SMU1: variants seen among roughly 807,000 people sequenced by gnomAD.
SMU1 encodes the protein SMU1 DNA replication regulator and spliceosomal factor, also known as WD40 repeat-containing protein SMU1.
SMU1 carries 2 observed loss-of-function variants against 62.0 expected under a neutral mutation model. That is an observed-to-expected ratio of 0.03 (90% CI 0.01 to 0.10). SMU1 has a LOEUF of 0.10. Ranked by LOEUF, SMU1 falls within the 10% of genes least tolerant of loss-of-function variation. The pLI, the probability that SMU1 is intolerant of heterozygous loss-of-function variation, is 1.00. For missense variants in SMU1, 227 were observed against 622.1 expected (o/e 0.36, Z 6.76); for synonymous variants, 188 against 212.4 (o/e 0.89, Z 1.00).
In SMU1 at chr9:33,053,672, T is replaced by C. The variant is rs576505870; in HGVS notation, c.1123-382A>G. On this transcript the variant is annotated intron_variant, in intron 9 of 11. Coordinates refer to ENST00000397149, the MANE Select transcript of SMU1 (RefSeq NM_018225.3). ...TAAGGATTCAATGTAGTACTTGGCA[T>C]GGGGCAGATTTAAGTTTTGCTTTTT... Among the ~76,000 whole-genome samples the C allele has an allele frequency of 1.4e-3, 207 of 152,254 alleles. 1 individual carries two copies. Among genetic ancestry groups the C allele is most frequent in the Non-Finnish European group, 2.3e-3 (154 of 68,048 alleles).
rs1273803529 is a variant in SMU1, at chr9:33,056,823, G to C, written c.995+14C>G. ...TCAAACTCAAGTGAGAGCAGTTTTG[G>C]GATTTTTACTTACCTAATTGTCTGG... On this transcript the variant is annotated intron_variant, in intron 8 of 11. Transcript: ENST00000397149. 1 of 1,609,076 alleles carries C rather than the reference G, an allele frequency of 6.2e-7. No individual in the cohort carries two copies. Among genetic ancestry groups the C allele is most frequent in the Non-Finnish European group, 8.5e-7 (1 of 1,178,802 alleles).
Position 33,042,956 on chromosome 9 carries a change from C to T in SMU1, c.*4337G>A, listed in dbSNP as rs1839141745. 6.6e-6 allele frequency: 1 copy of T among 152,486 alleles called. No homozygotes were observed. Among genetic ancestry groups the T allele is most frequent in the African/African-American group, 2.4e-5 (1 of 41,458 alleles). The allele number at this position is 152,486 out of a possible 1,614,324, so 9.4% of individuals were successfully genotyped here. A position where few individuals can be genotyped will look rare whatever the true frequency, so the allele number is the denominator to read the frequency against. On this transcript the variant is annotated 3_prime_UTR_variant, in exon 12 of 12. Transcript: ENST00000397149. ...GTTCCAGCTATTCTCCTGCCTCAGC[C>T]TCCTAGGTAGCTGGGACTACAGGCG...
chr9:33,047,448 T>G, intron 11 of SMU1, 57 bp from the exon 12 acceptor site: 4 of 1,450,430 alleles, frequency 2.8e-6, no homozygotes, highest in Non-Finnish European at 3.8e-6. Flanking sequence ...ATCACTCTGA[T>G]GAGGCTTCCA....
intron 10 of SMU1, among the ~76,000 whole-genome samples, chr9:33,052,747 C>T (rs1351917016): frequency 6.6e-6 from 1 of 152,216 alleles, no homozygotes; most frequent in Admixed American, 6.5e-5. Flanking sequence ...TAGTGTTCCA[C>T]TTTAGATCGT....
intron 6 of SMU1, 53 bp from the exon 7 acceptor site, chr9:33,057,767 G>C: frequency 6.2e-7 from 1 of 1,604,128 alleles, no homozygotes; most frequent in Non-Finnish European, 8.5e-7. Context: ...CAAGACCCCA[G>C]TTCTCTACAA....
chr9:33,056,259 G>A lies in SMU1; in HGVS notation c.996-20C>T. ...TGAATTCTACCAAATGAAAGTAAAT[G>A]AAAAGAACAATAAATATTTAATATC... On this transcript the variant is annotated intron_variant, in intron 8 of 11. Transcript: ENST00000397149. 6.2e-7 allele frequency: 1 copy of A among 1,601,488 alleles called. No homozygotes were observed. Among genetic ancestry groups the A allele is most frequent in the Non-Finnish European group, 8.5e-7 (1 of 1,173,108 alleles).
rs183651239 is a variant in SMU1, at chr9:33,061,265, A to C, written c.631-681T>G. Among the ~76,000 whole-genome samples the C allele has an allele frequency of 3.3e-5, 5 of 152,370 alleles. No homozygotes were observed. The East Asian group carries it at 7.7e-4, about 23-fold the overall frequency. Reference sequence around the variant, plus strand: ...AATGCCAAAAAAGGAAAGTGTTTATAACAGAAAATCTTAGCCCAGCAGCAT... The same window carrying C: ...AATGCCAAAAAAGGAAAGTGTTTATCACAGAAAATCTTAGCCCAGCAGCAT... On this transcript the variant is annotated intron_variant, in intron 5 of 11. Coordinates refer to ENST00000397149, the MANE Select transcript of SMU1 (RefSeq NM_018225.3).
intron 1 of SMU1, among the ~76,000 whole-genome samples, chr9:33,075,846 T>C (rs1488065630): frequency 6.6e-6 from 1 of 152,208 alleles, no homozygotes; most frequent in African/African-American, 2.4e-5. Context: ...AGGATGGAGT[T>C]CTGGAAAAGC....
rs869041104 is a variant in SMU1 at position 33,064,742 on chromosome 9, C to CT, written c.502-2566dup. Reference sequence around the variant, plus strand: ...AGTTTCTTTGCTAAATATATTTTTTCTTTTTTTTTTTTTTAATTGAGACAG... The same window carrying CT: ...AGTTTCTTTGCTAAATATATTTTTTCTTTTTTTTTTTTTTTAATTGAGACAG... On this transcript the variant is annotated intron_variant, in intron 4 of 11. Transcript: ENST00000397149. Among the ~76,000 whole-genome samples, 609 of 141,306 alleles carry CT rather than the reference C, an allele frequency of 4.3e-3. 1 individual carries two copies. The highest frequency in any genetic ancestry group is 0.013 in the African/African-American group (501 of 38,874). 92.7% of individuals were successfully genotyped at this position (141,306 alleles called of 152,430 possible). A position where few individuals can be genotyped will look rare whatever the true frequency, so the allele number is the denominator to read the frequency against.
At chr9:33,069,627 T>C (rs566219833) in intron 3 of SMU1, among the ~76,000 whole-genome samples, 4 of 151,654 alleles carry the variant, frequency 2.6e-5, no homozygotes, top group African/African-American at 9.7e-5. Flanking sequence ...ATGGTGAAAC[T>C]CTGTCGCTAC....
chr9:33,071,719 T>C (rs1437746754), intron 3 of SMU1, 21 bp downstream of exon 3: 3 of 1,583,074 alleles, frequency 1.9e-6, no homozygotes, highest in Non-Finnish European at 2.6e-6. Context: ...AAAAAGTTCC[T>C]TTTCATTACC....
chr9:33,067,140 T>C (rs1351392983), intron 4 of SMU1, among the ~76,000 whole-genome samples: 2 of 152,098 alleles, frequency 1.3e-5, no homozygotes, highest in African/African-American at 2.4e-5. Flanking sequence ...CTGTGAACAA[T>C]AGCTATATAA....
At chr9:33,050,344 A>G (rs10971367) in intron 10 of SMU1, among the ~76,000 whole-genome samples, 10,723 of 152,254 alleles carry the variant, frequency 0.07, 513 homozygotes, top group Non-Finnish European at 0.11. Flanking sequence ...ACAACTAAAC[A>G]TACTTTACCA....
Position 33,043,004 on chromosome 9 carries a change from T to G in SMU1, c.*4289A>C, listed in dbSNP as rs1839142178. ...GCGTGTGCCACCATGCCCGGCTAAT[T>G]TTGTATCCTTAGTAGAGACAGGGTG... On this transcript the variant is annotated 3_prime_UTR_variant, in exon 12 of 12. Coordinates refer to ENST00000397149, the MANE Select transcript of SMU1 (RefSeq NM_018225.3). 2.0e-5 allele frequency: 3 copies of G among 152,216 alleles called. No individual in the cohort carries two copies. Among genetic ancestry groups the G allele is most frequent in the African/African-American group, 7.2e-5 (3 of 41,416 alleles). 9.4% of individuals were successfully genotyped at this position (152,216 alleles called of 1,614,324 possible). A position where few individuals can be genotyped will look rare whatever the true frequency, so the allele number is the denominator to read the frequency against.
chr9:33,063,293 C>A (rs1206023759), intron 4 of SMU1, among the ~76,000 whole-genome samples: 1 of 151,938 alleles, frequency 6.6e-6, no homozygotes, highest in African/African-American at 2.4e-5. Flanking sequence ...ACCCGGGACG[C>A]AGAGGTTGCA....
rs752996314 is a variant in SMU1 at position 33,076,651 on chromosome 9, C to G, written c.-43G>C. 41 of 1,613,332 alleles carry G rather than the reference C, an allele frequency of 2.5e-5. No homozygotes were observed. The highest frequency in any genetic ancestry group is 3.4e-5 in the Non-Finnish European group (40 of 1,180,006). On this transcript the variant is annotated 5_prime_UTR_variant, in exon 1 of 12. Transcript: ENST00000397149. ...AGCAGGCCCCAGCTCTCCCTCAAGGCCAGTCGCGCAACACACCAACGACAC... is the reference window on the plus strand; with the variant it reads ...AGCAGGCCCCAGCTCTCCCTCAAGGGCAGTCGCGCAACACACCAACGACAC...
intron 1 of SMU1, among the ~76,000 whole-genome samples, chr9:33,075,300 G>A (rs1839533669): frequency 6.6e-6 from 1 of 152,094 alleles, no homozygotes; most frequent in Non-Finnish European, 1.5e-5. Flanking sequence ...TGGCGTGAAC[G>A]TGGGAGGCGG....
At chr9:33,070,937 A>G (rs1587713202) in intron 3 of SMU1, among the ~76,000 whole-genome samples, 1 of 152,296 alleles carries the variant, frequency 6.6e-6, no homozygotes, top group East Asian at 1.9e-4. Flanking sequence ...AATATAAAGA[A>G]TAAATAAGAA....
chr9:33,052,296 T>G (rs1457194810), intron 10 of SMU1, among the ~76,000 whole-genome samples: 1 of 148,128 alleles, frequency 6.8e-6, no homozygotes, highest in East Asian at 2.1e-4. Context: ...TCTTCTGTAC[T>G]ATTTTTGCAA....
Sources: allele counts gnomAD v4.1 joint callset (sites outside exome capture counted in the v4.1 genomes callset), GRCh38; gene constraint gnomAD v4.1.1; transcripts MANE v1.5; gene names NCBI Gene and HGNC (gene_info 2026-07-23, HGNC 2026-07-21).